The following LIMCH1 variants were observed in gnomAD, a reference collection of about 807,000 sequenced individuals.
LIMCH1 encodes the protein LIM and calponin homology domains-containing protein 1.
A neutral mutation model predicts 176.5 loss-of-function variants in LIMCH1; 113 were observed. The ratio of observed to expected loss-of-function variants is 0.64; its 90% CI spans 0.55 to 0.75. The LOEUF (loss-of-function observed/expected upper bound fraction) is 0.75. Ranked by LOEUF, LIMCH1 falls within the 30% of genes least tolerant of loss-of-function variation. The pLI, the probability that LIMCH1 is intolerant of heterozygous loss-of-function variation, is 0.00. For missense variants in LIMCH1, 1,674 were observed against 1,814.9 expected (o/e 0.92, Z 1.41); for synonymous variants, 619 against 645.9 (o/e 0.96, Z 0.63).
intron 1 of LIMCH1, among the ~76,000 whole-genome samples, chr4:41,570,240 G>C (rs533650081): frequency 2.2e-4 from 34 of 152,228 alleles, no homozygotes; most frequent in Non-Finnish European, 4.0e-4. Flanking sequence ...GCCATTCTGT[G>C]CTTTAACCAG....
intron 1 of LIMCH1, among the ~76,000 whole-genome samples, chr4:41,417,225 C>G (rs1227630205): frequency 6.6e-6 from 1 of 152,208 alleles, no homozygotes; most frequent in East Asian, 1.9e-4. Context: ...GGTTTTGTTT[C>G]AAGATCGAGT....
intron 3 of LIMCH1, among the ~76,000 whole-genome samples, chr4:41,530,029 TG>T (rs1187755816): frequency 1.3e-5 from 2 of 152,192 alleles, no homozygotes; most frequent in African/African-American, 4.8e-5. Flanking sequence ...TGGAAAAAAA[TG>T]TAAGTTTCCA....
At chr4:41,663,633 A>G (rs2094709975) in intron 20 of LIMCH1, among the ~76,000 whole-genome samples, 1 of 152,136 alleles carries the variant, frequency 6.6e-6, no homozygotes, top group Non-Finnish European at 1.5e-5. Context: ...TCTCATTCAC[A>G]TTAGTTTGAT....
chr4:41,625,340 A>G (rs1437909168), intron 7 of LIMCH1, among the ~76,000 whole-genome samples: 1 of 152,188 alleles, frequency 6.6e-6, no homozygotes, highest in Non-Finnish European at 1.5e-5. Flanking sequence ...AGGTCCTTCA[A>G]AGAAAAAAAA....
chr4:41,458,149 A>C (rs1215836503), intron 1 of LIMCH1, among the ~76,000 whole-genome samples: 1 of 152,144 alleles, frequency 6.6e-6, no homozygotes, highest in African/African-American at 2.4e-5. Context: ...TACCTCATAC[A>C]CCTGCTATGT....
At chr4:41,434,398 G>A (rs1166921895) in intron 1 of LIMCH1, among the ~76,000 whole-genome samples, 1 of 152,244 alleles carries the variant, frequency 6.6e-6, no homozygotes, top group East Asian at 1.9e-4. Flanking sequence ...CAGACTAGCT[G>A]CTTTGCAGCA....
At chr4:41,591,604 A>C (rs1178481244) in intron 1 of LIMCH1, among the ~76,000 whole-genome samples, 1 of 152,162 alleles carries the variant, frequency 6.6e-6, no homozygotes, top group African/African-American at 2.4e-5. Context: ...GAGAACTTCA[A>C]AAGTGGTAAT....
At position 41,360,974 on chromosome 4, in the gene LIMCH1, G is replaced by A; in HGVS notation, c.96+38G>A. On this transcript the variant is annotated intron_variant, in intron 1 of 26. Coordinates refer to the LIMCH1 transcript ENST00000313860. The surrounding 1 kb of genome is among the most constrained non-coding windows in gnomAD (Gnocchi z 4.5). Reference sequence around the variant, plus strand: ...GGCTGGCGGGCGGCCTTGCACTGGCGCCCTGAGCCACGGACCCGCGCACGC... The same window carrying A: ...GGCTGGCGGGCGGCCTTGCACTGGCACCCTGAGCCACGGACCCGCGCACGC... The A allele has an allele frequency of 6.8e-7, 1 of 1,474,602 alleles. No individual in the cohort carries two copies. Among genetic ancestry groups the A allele is most frequent in the Non-Finnish European group, 9.2e-7 (1 of 1,089,208 alleles). 91.3% of individuals were successfully genotyped at this position (1,474,602 alleles called of 1,614,324 possible). A position where few individuals can be genotyped will look rare whatever the true frequency, so the allele number is the denominator to read the frequency against.
intron 1 of LIMCH1, among the ~76,000 whole-genome samples, chr4:41,567,881 G>A (rs555055420): frequency 2.0e-4 from 30 of 152,306 alleles, no homozygotes; most frequent in African/African-American, 3.4e-4. Context: ...TAGGCCGGGC[G>A]TGGTGGCTCA....
At chr4:41,492,821 C>T (rs2071335171) in intron 1 of LIMCH1, among the ~76,000 whole-genome samples, 2 of 152,100 alleles carry the variant, frequency 1.3e-5, no homozygotes, top group Non-Finnish European at 2.9e-5. Context: ...GTTTAGGATT[C>T]TTGCATCTTC....
intron 20 of LIMCH1, among the ~76,000 whole-genome samples, chr4:41,664,364 T>C (rs544896109): frequency 6.6e-6 from 1 of 152,236 alleles, no homozygotes; most frequent in Non-Finnish European, 1.5e-5. Flanking sequence ...GTGAACATGA[T>C]GCACTCCCTG....
intron 1 of LIMCH1, among the ~76,000 whole-genome samples, chr4:41,558,259 TTC>T: frequency 6.6e-6 from 1 of 151,984 alleles, no homozygotes; most frequent in Admixed American, 6.6e-5. Flanking sequence ...AAAAAAAAAC[TTC>T]AAAGTTTGTC....
intron 1 of LIMCH1, among the ~76,000 whole-genome samples, chr4:41,431,328 T>A (rs1175110037): frequency 6.6e-6 from 1 of 152,228 alleles, no homozygotes; most frequent in Non-Finnish European, 1.5e-5. Flanking sequence ...AGCCCCTTCT[T>A]ACCTGTAGAA....
intron 22 of LIMCH1, among the ~76,000 whole-genome samples, chr4:41,675,497 C>T (rs1244421130): frequency 6.7e-6 from 1 of 150,252 alleles, no homozygotes; most frequent in Non-Finnish European, 1.5e-5. Flanking sequence ...CAGGCAGTTG[C>T]TTCCCTGTCC....
chr4:41,412,201 A>G (rs2154124348), intron 1 of LIMCH1, among the ~76,000 whole-genome samples: 1 of 152,296 alleles, frequency 6.6e-6, no homozygotes, highest in East Asian at 1.9e-4. Context: ...TATTAAAGGT[A>G]CAAATTGAAG....
chr4:41,557,909 CT>C (rs111803054), intron 1 of LIMCH1, among the ~76,000 whole-genome samples: 5 of 149,892 alleles, frequency 3.3e-5, no homozygotes, highest in South Asian at 2.1e-4. Flanking sequence ...CCAATACACA[CT>C]TTTTTTTTTC....
intron 1 of LIMCH1, among the ~76,000 whole-genome samples, chr4:41,361,788 C>T (rs1050215256): frequency 6.6e-6 from 1 of 152,042 alleles, no homozygotes; most frequent in African/African-American, 2.4e-5. Flanking sequence ...GAACTGTCTG[C>T]GGGGTTCAGG....
rs1000334800 is a variant in LIMCH1, at chr4:41,646,014, G to T, written c.2254-109G>T. 7.9e-5 allele frequency: 87 copies of T among 1,105,254 alleles called. No individual in the cohort carries two copies. In the African/African-American group the frequency reaches 1.3e-3, roughly 16 times the overall value. The allele number at this position is 1,105,254 out of a possible 1,614,324, so 68.5% of individuals were successfully genotyped here. The stretch of plus-strand genomic sequence containing the variant: ...GAATGCACACGATGTTATAGTGCCT[G>T]GGCCCATAGTCAGTTCTCTAAAGAG... On this transcript the variant is annotated intron_variant, in intron 15 of 31. Coordinates refer to ENST00000503057, the MANE Select transcript of LIMCH1 (RefSeq NM_001330672.2).
At chr4:41,673,029 G>C (rs2095103480) in intron 22 of LIMCH1, among the ~76,000 whole-genome samples, 1 of 152,140 alleles carries the variant, frequency 6.6e-6, no homozygotes, top group Non-Finnish European at 1.5e-5. Flanking sequence ...GCTAATCCAA[G>C]AGGCCCACCA....
Sources: gnomAD v4.1 joint callset for allele counts (sites outside exome capture counted in the v4.1 genomes callset) on GRCh38, gnomAD v4.1.1 for gene constraint, Gnocchi (gnomAD v3.1) non-coding constraint, MANE v1.5 for transcripts, NCBI Gene and HGNC (gene_info 2026-07-23, HGNC 2026-07-21) for gene names.